The following GPR39 variants were observed in gnomAD, a reference collection of about 807,000 sequenced individuals.
GPR39 encodes zinc sensing receptor.
In GPR39, 23 loss-of-function variants were observed where a neutral mutation model predicts 18.4. The observed-to-expected ratio is 1.25, with a 90% CI of 0.90 to 1.77. The LOEUF (loss-of-function observed/expected upper bound fraction) is 1.77, where lower values mean the gene tolerates loss of function less well. Among genes scored for constraint, GPR39 ranks in the 40% most tolerant of loss-of-function variants. The pLI is 0.00. For synonymous variants in GPR39, 280 were observed against 257.9 expected (o/e 1.09, Z -0.82); for missense variants, 647 against 602.4 (o/e 1.07, Z -0.78).
intron 1 of GPR39, among the ~76,000 whole-genome samples, chr2:132,492,480 CAT>C (rs567001584): frequency 2.2e-5 from 3 of 136,318 alleles, no homozygotes; most frequent in Non-Finnish European, 4.7e-5. Context: ...ATATATACAC[CAT>C]ATATATACAC....
chr2:132,489,055 G>T, intron 1 of GPR39: 1 of 194,408 alleles, frequency 5.1e-6, no homozygotes, highest in Non-Finnish European at 1.1e-5. Context: ...TTCCACCAGG[G>T]CCTGTGACAC....
At chr2:132,620,112 A>G (rs1681414127) in intron 1 of GPR39, among the ~76,000 whole-genome samples, 1 of 152,222 alleles carries the variant, frequency 6.6e-6, no homozygotes, top group Non-Finnish European at 1.5e-5. Flanking sequence ...CTCTCTGTTC[A>G]GAATTCAGAT....
intron 1 of GPR39, among the ~76,000 whole-genome samples, chr2:132,618,761 T>C (rs1032501896): frequency 6.6e-6 from 1 of 152,190 alleles, no homozygotes; most frequent in Non-Finnish European, 1.5e-5. Flanking sequence ...ATCTTCAGCA[T>C]CACCCTCACA....
At chr2:132,563,977 C>T (rs529631518) in intron 1 of GPR39, among the ~76,000 whole-genome samples, 10 of 152,224 alleles carry the variant, frequency 6.6e-5, no homozygotes, top group Admixed American at 2.0e-4. Flanking sequence ...AAAAGCTGTT[C>T]AGTGGTTCAA....
rs910988507 is a variant in GPR39 at position 132,464,387 on chromosome 2, C to T, written c.856+46489C>T. Among the ~76,000 whole-genome samples, 15 of 152,172 alleles carry T rather than the reference C, an allele frequency of 9.9e-5. 1 individual carries two copies. Among genetic ancestry groups the T allele is most frequent in the African/African-American group, 3.6e-4 (15 of 41,440 alleles). ...GACGGGCATCTGGGAACTTGAATCTCAGGAGGATCCCAGTATTCCCTAAGG... is the reference window on the plus strand; with the variant it reads ...GACGGGCATCTGGGAACTTGAATCTTAGGAGGATCCCAGTATTCCCTAAGG... On this transcript the variant is annotated intron_variant, in intron 1 of 1. Transcript: ENST00000329321.
rs1682023328 is a variant in GPR39 at position 132,645,590 on chromosome 2, A to T, written c.1346A>T (p.Gln449Leu). The T allele has an allele frequency of 2.5e-6, 4 of 1,611,278 alleles. No individual in the cohort carries two copies. The African/African-American group carries it at 4.0e-5, about 16-fold the overall frequency. The change falls in exon 2 of 2, where the codon CAG (glutamine) becomes CTG (leucine). Residue 449 changes from glutamine (Q) to leucine (L), a missense_variant. By Grantham distance (113) the Gln-to-Leu change is moderately radical (BLOSUM62 -2). This residue lies in a region of GPR39 where 581 missense variants were observed against 506.8 expected (regional missense o/e 1.15). Coordinates refer to ENST00000329321, the MANE Select transcript of GPR39 (RefSeq NM_001508.3). ...PANSAAENGF[Q>L]EHEV is the part of the protein sequence containing the mutation. ...AATTCTGCTGCAGAGAATGGTTTTC[A>T]GGAGCATGAAGTTTGAATGTCAAGC... is the stretch of plus-strand genomic sequence containing the variant.
At chr2:132,477,014 G>A (rs1294059038) in intron 1 of GPR39, among the ~76,000 whole-genome samples, 1 of 152,130 alleles carries the variant, frequency 6.6e-6, no homozygotes, top group East Asian at 1.9e-4. Flanking sequence ...TGGCTGTGGT[G>A]GGCTATGGTC....
At chr2:132,432,346 T>G (rs1282492843) in intron 1 of GPR39, among the ~76,000 whole-genome samples, 1 of 152,160 alleles carries the variant, frequency 6.6e-6, no homozygotes, top group East Asian at 1.9e-4. Flanking sequence ...CCATGAGGGA[T>G]GTACTATCAT....
intron 1 of GPR39, among the ~76,000 whole-genome samples, chr2:132,443,329 T>TA (rs1369434486): frequency 1.4e-5 from 2 of 147,296 alleles, no homozygotes; most frequent in Admixed American, 6.7e-5. Flanking sequence ...GTACCTGACT[T>TA]ACGATGGAGT....
intron 1 of GPR39, among the ~76,000 whole-genome samples, chr2:132,518,897 C>T (rs1679377353): frequency 6.6e-6 from 1 of 152,174 alleles, no homozygotes; most frequent in Non-Finnish European, 1.5e-5. Context: ...CTCCAGTACT[C>T]TAGCCTCCTT....
intron 1 of GPR39, among the ~76,000 whole-genome samples, chr2:132,442,137 C>G (rs1016255216): frequency 6.6e-6 from 1 of 152,186 alleles, no homozygotes; most frequent in Non-Finnish European, 1.5e-5. Flanking sequence ...ACCACCCAAC[C>G]ACTTTTTCCT....
At chr2:132,608,667 G>C (rs1317228005) in intron 1 of GPR39, among the ~76,000 whole-genome samples, 2 of 152,294 alleles carry the variant, frequency 1.3e-5, no homozygotes, top group Admixed American at 1.3e-4. Context: ...GCATGTGGCA[G>C]AACAACCACA....
chr2:132,505,289 T>C (rs1477927952), intron 1 of GPR39, among the ~76,000 whole-genome samples: 1 of 152,194 alleles, frequency 6.6e-6, no homozygotes, highest in Non-Finnish European at 1.5e-5. Flanking sequence ...TATGTGTACA[T>C]ACTTATGGGG....
chr2:132,646,335 G>A lies in GPR39; in HGVS notation c.*729G>A, dbSNP rs1424514427. On this transcript the variant is annotated 3_prime_UTR_variant, in exon 2 of 2. Coordinates refer to ENST00000329321, the MANE Select transcript of GPR39 (RefSeq NM_001508.3). The stretch of plus-strand genomic sequence containing the variant: ...AACGTGCACCGGCAAAAGAATAGCT[G>A]TCCCTCTCAGCCCAAATCCAAACGG... 3.2e-6 allele frequency: 4 copies of A among 1,246,542 alleles called. No homozygotes were observed. The East Asian group carries it at 1.1e-4, about 35-fold the overall frequency. The allele number at this position is 1,246,542 out of a possible 1,614,324, so 77.2% of individuals were successfully genotyped here. A position where few individuals can be genotyped will look rare whatever the true frequency, so the allele number is the denominator to read the frequency against.
intron 1 of GPR39, among the ~76,000 whole-genome samples, chr2:132,490,210 C>T (rs546340618): frequency 2.0e-5 from 3 of 151,876 alleles, no homozygotes; most frequent in Admixed American, 1.3e-4. Context: ...AGGATGCAGC[C>T]TATTAATGCA....
chr2:132,629,213 A>T (rs566902398), intron 1 of GPR39, among the ~76,000 whole-genome samples: 1 of 152,304 alleles, frequency 6.6e-6, no homozygotes, highest in South Asian at 2.1e-4. Flanking sequence ...AAAGGCTTAG[A>T]TGTGATGCTA....
chr2:132,455,397 G>A (rs547406413), intron 1 of GPR39, among the ~76,000 whole-genome samples: 35 of 152,048 alleles, frequency 2.3e-4, no homozygotes, highest in South Asian at 2.3e-3. Context: ...TCTTGCTAGT[G>A]GTCTATCAAT....
chr2:132,553,669 C>T (rs948115779), intron 1 of GPR39, among the ~76,000 whole-genome samples: 3 of 152,080 alleles, frequency 2.0e-5, no homozygotes, highest in Admixed American at 6.5e-5. Flanking sequence ...CGGCTGTCCT[C>T]ACTGAGTTGG....
intron 1 of GPR39, among the ~76,000 whole-genome samples, chr2:132,481,799 A>G (rs530087602): frequency 1.3e-5 from 2 of 152,346 alleles, no homozygotes; most frequent in South Asian, 4.1e-4. Flanking sequence ...CCTTAATGCC[A>G]CTGCTCAACC....
Sources: gnomAD v4.1 joint callset for allele counts (sites outside exome capture counted in the v4.1 genomes callset) on GRCh38, gnomAD v4.1.1 for gene constraint, gnomAD v4.1.1 regional missense constraint, MANE v1.5 for transcripts, NCBI Gene and HGNC (gene_info 2026-07-23, HGNC 2026-07-21) for gene names.